Variants in FBN2 observed in about 807,000 individuals in gnomAD.
The protein encoded by FBN2 is fibrillin 2, also known as fibrillin-2.
Under a neutral mutation model 355.6 loss-of-function variants are expected in FBN2, and 105 were observed. That is an observed-to-expected ratio of 0.30 (90% CI 0.25 to 0.35). The LOEUF is 0.35. Among genes scored for constraint, FBN2 ranks in the 10% least tolerant of loss-of-function variants. FBN2 has a pLI of 1.00. For missense variants in FBN2, 3,280 were observed against 3,758.7 expected, an observed-to-expected ratio of 0.87 and a Z score of 3.33; for synonymous variants, 1,350 against 1,301.2, an observed-to-expected ratio of 1.04 and a Z score of -0.81.
chr5:128,305,163 T>C (rs2126838358), intron 44 of FBN2, 81 bp from the exon 45 acceptor site: 3 of 1,238,630 alleles, frequency 2.4e-6, no homozygotes, highest in Non-Finnish European at 3.5e-6. Flanking sequence ...GTTTCTCTAA[T>C]CTGCTATTAA....
intron 25 of FBN2, among the ~76,000 whole-genome samples, chr5:128,340,935 A>G (rs752267978): frequency 3.3e-5 from 5 of 152,166 alleles, no homozygotes; most frequent in Non-Finnish European, 5.9e-5. Flanking sequence ...AGCTTTAAAG[A>G]TACAGAATAG....
chr5:128,295,075 C>G (rs1354212947), intron 48 of FBN2, among the ~76,000 whole-genome samples: 8 of 150,688 alleles, frequency 5.3e-5, no homozygotes, highest in African/African-American at 2.0e-4. Context: ...TTTCCCAGCA[C>G]CATTTATTAA....
intron 11 of FBN2, among the ~76,000 whole-genome samples, chr5:128,383,329 T>C (rs1752283759): frequency 6.6e-6 from 1 of 151,966 alleles, no homozygotes; most frequent in South Asian, 2.1e-4. Flanking sequence ...AAAAAATGAA[T>C]TCAAAATGGA....
intron 62 of FBN2, among the ~76,000 whole-genome samples, chr5:128,271,092 G>C (rs1421860274): frequency 2.6e-5 from 4 of 151,992 alleles, no homozygotes; most frequent in Non-Finnish European, 5.9e-5. Flanking sequence ...AATTCACTTA[G>C]CTGTCACTAG....
chr5:128,287,464 C>G (rs755077750), intron 53 of FBN2, 34 bp from the exon 54 acceptor site: 1 of 1,612,302 alleles, frequency 6.2e-7, no homozygotes, highest in African/African-American at 1.3e-5. Flanking sequence ...TGTGCTCAGC[C>G]TAGAGTTCTA....
chr5:128,271,271 T>C (rs1375389389), intron 62 of FBN2, among the ~76,000 whole-genome samples: 2 of 152,222 alleles, frequency 1.3e-5, no homozygotes, highest in East Asian at 1.9e-4. Flanking sequence ...TGCTCAGTTA[T>C]GCCAGCACCT....
At chr5:128,431,396 T>G (rs968291713) in intron 7 of FBN2, among the ~76,000 whole-genome samples, 1 of 152,186 alleles carries the variant, frequency 6.6e-6, no homozygotes, top group African/African-American at 2.4e-5. Context: ...TTGCTGTCAA[T>G]CAGGAACACG....
intron 56 of FBN2, among the ~76,000 whole-genome samples, chr5:128,279,566 G>T (rs1765481812): frequency 6.6e-6 from 1 of 152,060 alleles, no homozygotes; most frequent in Non-Finnish European, 1.5e-5. Context: ...AAAAAAATGT[G>T]ATATAGTTGA....
rs547646190 is a variant in FBN2, at chr5:128,460,481, T to C, written c.826+4243A>G. 1.2e-3 allele frequency among the ~76,000 whole-genome samples: 178 copies of C among 152,274 alleles called. 2 individuals are homozygous for C. Among genetic ancestry groups the C allele is most frequent in the African/African-American group, 3.4e-3 (143 of 41,548 alleles). ...ATTCCCATTGAACTGCCATTGACAT[T>C]CTTCACAGAATTAGAAAAAAAAACA... On this transcript the variant is annotated intron_variant, in intron 6 of 64. Coordinates refer to ENST00000262464, the MANE Select transcript of FBN2 (RefSeq NM_001999.4).
In FBN2 at chr5:128,537,399, C is replaced by A; in HGVS notation, c.205G>T (p.Ala69Ser). The A allele has an allele frequency of 1.9e-6, 3 of 1,610,236 alleles. No individual in the cohort carries two copies. Among genetic ancestry groups the A allele is most frequent in the Non-Finnish European group, 2.5e-6 (3 of 1,179,514 alleles). The part of the protein sequence containing the change: ...LAPEYREEGA[A>S]VASRVRRRGQ... ...CGCCGGCGGACGCGGCTGGCCACTGCGGCACCCTCCTCGCGATACTCGGGC... is the reference window on the plus strand; with the variant it reads ...CGCCGGCGGACGCGGCTGGCCACTGAGGCACCCTCCTCGCGATACTCGGGC... Residue 69 changes from alanine (A) to serine (S), a missense_variant, in exon 1 of 65, where the codon GCA becomes TCA. This residue lies in a region of FBN2 where 203 missense variants were observed against 142.2 expected (regional missense o/e 1.43). Coordinates refer to ENST00000262464, the MANE Select transcript of FBN2 (RefSeq NM_001999.4).
intron 18 of FBN2, among the ~76,000 whole-genome samples, chr5:128,363,259 C>A (rs1751685098): frequency 6.6e-6 from 1 of 151,986 alleles, no homozygotes; most frequent in South Asian, 2.1e-4. Flanking sequence ...GGCGAGGTCT[C>A]CGCTCACTGC....
At chr5:128,450,850 T>C (rs1470680104) in intron 6 of FBN2, among the ~76,000 whole-genome samples, 1 of 152,128 alleles carries the variant, frequency 6.6e-6, no homozygotes, top group Admixed American at 6.5e-5. Context: ...GCTTACATAA[T>C]AGATTTATTA....
chr5:128,289,936 C>A lies in FBN2; in HGVS notation c.6457G>T (p.Asp2153Tyr). 6.3e-7 allele frequency: 1 copy of A among 1,599,478 alleles called. No homozygotes were observed. The highest frequency in any genetic ancestry group is 1.1e-5 in the South Asian group (1 of 90,750). Residue 2153 changes from aspartate (D) to tyrosine (Y), a missense_variant, in exon 51 of 65, where the codon GAT (aspartate) becomes TAT (tyrosine). Asp to Tyr is a radical substitution (Grantham distance 160). Transcript: ENST00000262464. ...CPKDDEVAFQDLCPYGHGTVP... is the reference protein window; with the variant it reads ...CPKDDEVAFQYLCPYGHGTVP... ...GTTCCATGGCCATATGGACACAAAT[C>A]CTGAAATGCAACTACAAAGAAAAAT... is the stretch of plus-strand genomic sequence containing the variant.
intron 5 of FBN2, among the ~76,000 whole-genome samples, chr5:128,476,262 C>T (rs1431135673): frequency 1.3e-5 from 2 of 152,050 alleles, no homozygotes; most frequent in Non-Finnish European, 2.9e-5. Context: ...GCTTTATATA[C>T]TTAAAATGAT....
At chr5:128,296,384 A>G (rs1361816426) in intron 48 of FBN2, among the ~76,000 whole-genome samples, 1 of 151,560 alleles carries the variant, frequency 6.6e-6, no homozygotes, top group Non-Finnish European at 1.5e-5. Flanking sequence ...CTCTTTTTCT[A>G]TTGATTGGAA....
At position 128,537,800 on chromosome 5, in the gene FBN2, G is replaced by A; in HGVS notation, c.-197C>T. The A allele has an allele frequency of 1.6e-6, 1 of 622,812 alleles. No individual in the cohort carries two copies. Among genetic ancestry groups the A allele is most frequent in the South Asian group, 1.9e-5 (1 of 51,474 alleles). The allele number at this position is 622,812 out of a possible 1,614,324, so 38.6% of individuals were successfully genotyped here. On this transcript the variant is annotated 5_prime_UTR_variant, in exon 1 of 65. Transcript: ENST00000262464. ...CCTGACTGCCCGCGAAGCGAGACGCGGGGCGCCGGGTCTAGCGCAGTGAGC... is the reference window on the plus strand; with the variant it reads ...CCTGACTGCCCGCGAAGCGAGACGCAGGGCGCCGGGTCTAGCGCAGTGAGC...
At chr5:128,506,793 C>G (rs1755974290) in intron 5 of FBN2, among the ~76,000 whole-genome samples, 1 of 152,032 alleles carries the variant, frequency 6.6e-6, no homozygotes, top group Non-Finnish European at 1.5e-5. Context: ...TATTCTTTAT[C>G]TTGCTGACTG....
intron 20 of FBN2, among the ~76,000 whole-genome samples, chr5:128,354,537 G>C (rs935826945): frequency 3.3e-5 from 5 of 152,188 alleles, no homozygotes; most frequent in African/African-American, 1.2e-4. Flanking sequence ...TGTAGTATGA[G>C]GAAAAGAAGG....
chr5:128,270,123 G>A (rs890756690), intron 62 of FBN2, among the ~76,000 whole-genome samples: 5 of 152,168 alleles, frequency 3.3e-5, no homozygotes, highest in Admixed American at 1.3e-4. Flanking sequence ...AAATGGTGCT[G>A]GGAAAGCTGG....
Sources: allele counts gnomAD v4.1 joint callset (sites outside exome capture counted in the v4.1 genomes callset), GRCh38; gene constraint gnomAD v4.1.1; regional missense constraint gnomAD v4.1.1; transcripts MANE v1.5; gene names NCBI Gene and HGNC (gene_info 2026-07-23, HGNC 2026-07-21).